CASK: variants seen among roughly 807,000 people sequenced by gnomAD.
CASK encodes the protein peripheral plasma membrane protein CASK.
Under a neutral mutation model 82.9 loss-of-function variants are expected in CASK, and 4 were observed. The ratio of observed to expected loss-of-function variants is 0.05; its 90% CI spans 0.02 to 0.11. The LOEUF (loss-of-function observed/expected upper bound fraction) is 0.11, where lower values mean the gene tolerates loss of function less well. Ranked by LOEUF, CASK falls within the 10% of genes least tolerant of loss-of-function variation. CASK has a pLI of 1.00. For missense variants in CASK, 358 were observed against 720.9 expected (o/e 0.50, Z 5.76); for synonymous variants, 259 against 253.5 (o/e 1.02, Z -0.20).
intron 15 of CASK, among the ~76,000 whole-genome samples, chrX:41,570,010 C>CTTTTTTTTTTTTTTTTTTT (rs397937722): frequency 2.8e-4 from 20 of 70,622 alleles, no homozygotes; most frequent in Non-Finnish European, 4.5e-4. Context: ...TTTCTTTTTT[C>CTTTTTTTTTTTTTTTTTTT]TTTTTTTTTT....
At chrX:41,867,576 A>G (rs767366408) in intron 1 of CASK, among the ~76,000 whole-genome samples, 182 of 112,638 alleles carry the variant, frequency 1.6e-3, no homozygotes, top group Middle Eastern at 4.6e-3. Flanking sequence ...AGAGACATTG[A>G]TTGCTAATTC....
chrX:41,644,724 G>T (rs149762830), intron 8 of CASK, among the ~76,000 whole-genome samples: 1 of 111,909 alleles, frequency 8.9e-6, no homozygotes, highest in Non-Finnish European at 1.9e-5. Context: ...AGCATGGAAC[G>T]TCCTTGAGAA....
chrX:41,923,211 G>C lies in CASK; in HGVS notation c.-223C>G, dbSNP rs1487012164. 9.4e-6 allele frequency: 1 copy of C among 106,704 alleles called. No individual in the cohort carries two copies. The highest frequency in any genetic ancestry group is 3.0e-4 in the East Asian group (1 of 3,378). The allele number at this position is 106,704 out of a possible 1,213,427, so 8.8% of individuals were successfully genotyped here. A position where few individuals can be genotyped will look rare whatever the true frequency, so the allele number is the denominator to read the frequency against. ...CGGCGGGGCCGGGGCGCGGGAGCGA[G>C]GGCGGCCCGGGCCCGGCGCCGCCCG... On this transcript the variant is annotated 5_prime_UTR_variant, in exon 1 of 27. Coordinates refer to ENST00000378163, the MANE Select transcript of CASK (RefSeq NM_001367721.1).
intron 3 of CASK, among the ~76,000 whole-genome samples, chrX:41,751,502 C>A (rs1273799520): frequency 9.3e-6 from 1 of 107,665 alleles, no homozygotes; most frequent in Non-Finnish European, 1.9e-5. Flanking sequence ...ACAAGAGCTG[C>A]TTCTGCCCTA....
chrX:41,828,771 T>C (rs1248740168), intron 2 of CASK, among the ~76,000 whole-genome samples: 1 of 112,276 alleles, frequency 8.9e-6, no homozygotes, highest in Non-Finnish European at 1.9e-5. Flanking sequence ...ACTTACGTTG[T>C]AACTTTAGAT....
chrX:41,910,883 T>C (rs149585259), intron 1 of CASK, among the ~76,000 whole-genome samples: 3,581 of 111,592 alleles, frequency 0.032, 74 homozygotes, highest in Admixed American at 0.085. Context: ...AAATGTTTTG[T>C]TTTTTTTAAA....
At chrX:41,842,341 T>A (rs2071057914) in intron 2 of CASK, among the ~76,000 whole-genome samples, 1 of 109,983 alleles carries the variant, frequency 9.1e-6, no homozygotes, top group Admixed American at 9.7e-5. Flanking sequence ...GGAGGCGAGG[T>A]GGGCAGATCA....
At chrX:41,772,716 G>T (rs1602599822) in intron 3 of CASK, among the ~76,000 whole-genome samples, 1 of 111,429 alleles carries the variant, frequency 9.0e-6, no homozygotes, top group Non-Finnish European at 1.9e-5. Flanking sequence ...GAGAACAATA[G>T]AGGCCAGGTG....
chrX:41,893,919 G>A lies in CASK; in HGVS notation c.59+29011C>T, dbSNP rs761141467. Among the ~76,000 whole-genome samples the A allele has an allele frequency of 5.4e-5, 6 of 111,970 alleles. No individual in the cohort carries two copies. The East Asian group carries it at 1.4e-3, about 26-fold the overall frequency. On this transcript the variant is annotated intron_variant, in intron 1 of 26. Transcript: ENST00000378163. ...AGTAAAAACAATAACCACTACCTGA[G>A]TGGATCAGAATCCAGAGTTGCTACA...
intron 3 of CASK, among the ~76,000 whole-genome samples, chrX:41,779,309 CAT>C (rs1233872274): frequency 8.9e-6 from 1 of 112,370 alleles, no homozygotes; most frequent in Non-Finnish European, 1.9e-5. Flanking sequence ...CACCATTTCA[CAT>C]GTGTTGTCAC....
At chrX:41,600,183 T>A (rs2065874452) in intron 12 of CASK, among the ~76,000 whole-genome samples, 1 of 112,232 alleles carries the variant, frequency 8.9e-6, no homozygotes, top group African/African-American at 3.2e-5. Context: ...GCTACCTTTT[T>A]TATTTTGCAT....
Position 41,626,607 on chromosome X carries a change from AGGAGGTAGGGTCTTC to A in CASK, c.997_1011del (p.Glu333_Ser337del). 8.7e-7 allele frequency: 1 copy of A among 1,147,009 alleles called. No individual in the cohort carries two copies. Among genetic ancestry groups the A allele is most frequent in the Non-Finnish European group, 1.2e-6 (1 of 836,318 alleles). The allele number at this position is 1,147,009 out of a possible 1,213,427, so 94.5% of individuals were successfully genotyped here. A position where few individuals can be genotyped will look rare whatever the true frequency, so the allele number is the denominator to read the frequency against. ...AATAAGTGAATTATCCAATTACCTG[AGGAGGTAGGGTCTTC>A]GGAGAAATCTGGTAACTCTTCAGGG... On this transcript the variant is annotated inframe_deletion, in exon 10 of 27. Transcript: ENST00000378163.
chrX:41,581,356 G>A, intron 14 of CASK, among the ~76,000 whole-genome samples: 1 of 110,085 alleles, frequency 9.1e-6, no homozygotes, highest in Middle Eastern at 4.6e-3. Context: ...CTCCTATCTA[G>A]GCAATAGAGC....
intron 16 of CASK, among the ~76,000 whole-genome samples, chrX:41,569,189 G>C (rs972516542): frequency 1.8e-5 from 2 of 111,825 alleles, no homozygotes; most frequent in African/African-American, 6.5e-5. Flanking sequence ...ATGAATGAGA[G>C]AACACTTCTT....
At chrX:41,631,151 A>G (rs953271374) in intron 9 of CASK, among the ~76,000 whole-genome samples, 11 of 112,193 alleles carry the variant, frequency 9.8e-5, no homozygotes, top group African/African-American at 3.6e-4. Context: ...AGTGTACTAG[A>G]TATAGTTATA....
At chrX:41,588,488 G>A (rs1414339867) in intron 13 of CASK, 2 of 110,613 alleles carry the variant, frequency 1.8e-5, no homozygotes, top group Non-Finnish European at 3.8e-5. Context: ...CCTTCTATGA[G>A]CCCTTGGTGG....
intron 2 of CASK, among the ~76,000 whole-genome samples, chrX:41,819,329 A>T (rs2147900409): frequency 8.9e-6 from 1 of 111,737 alleles, no homozygotes; most frequent in Admixed American, 9.5e-5. Flanking sequence ...TATAATAAAG[A>T]TATACCAATA....
At chrX:41,715,569 C>T (rs2068046685) in intron 5 of CASK, among the ~76,000 whole-genome samples, 1 of 108,104 alleles carries the variant, frequency 9.3e-6, no homozygotes, top group Admixed American at 9.9e-5. Flanking sequence ...TTGCAGCGAG[C>T]CGAGATTGCG....
At chrX:41,727,248 T>C (rs1363824402) in intron 5 of CASK, 1 of 1,206,570 alleles carries the variant, frequency 8.3e-7, no homozygotes, top group African/African-American at 1.7e-5. Flanking sequence ...TGAGTATCTA[T>C]TTCCTGAAAG....
Sources: gnomAD v4.1 joint callset for allele counts (sites outside exome capture counted in the v4.1 genomes callset) on GRCh38, gnomAD v4.1.1 for gene constraint, MANE v1.5 for transcripts, NCBI Gene and HGNC (gene_info 2026-07-23, HGNC 2026-07-21) for gene names.